ITGBL1: variants seen among roughly 807,000 people sequenced by gnomAD.
ITGBL1 encodes the protein integrin beta-like protein 1.
A neutral mutation model predicts 68.5 loss-of-function variants in ITGBL1; 51 were observed. That is an observed-to-expected ratio of 0.74 (90% CI 0.59 to 0.94). The LOEUF is 0.94. Among genes scored for constraint, ITGBL1 ranks in the 40% least tolerant of loss-of-function variants. The pLI is 0.00. For missense variants in ITGBL1, 649 were observed against 647.4 expected, an observed-to-expected ratio of 1.00 and a Z score of -0.03; for synonymous variants, 209 against 227.3, an observed-to-expected ratio of 0.92 and a Z score of 0.72.
chr13:101,671,433 T>G (rs1261399511), intron 7 of ITGBL1, among the ~76,000 whole-genome samples: 4 of 71,782 alleles, frequency 5.6e-5, no homozygotes, highest in South Asian at 6.4e-4. Flanking sequence ...TTTGTTTTTT[T>G]TTTGTTTTTT....
intron 7 of ITGBL1, among the ~76,000 whole-genome samples, chr13:101,635,211 C>G (rs1331081142): frequency 2.6e-5 from 4 of 151,974 alleles, no homozygotes; most frequent in Admixed American, 2.0e-4. Flanking sequence ...ATAAGAGTCT[C>G]TCAAGCTTTT....
At chr13:101,591,657 G>T (rs984973191) in intron 6 of ITGBL1, among the ~76,000 whole-genome samples, 1 of 152,060 alleles carries the variant, frequency 6.6e-6, no homozygotes, top group East Asian at 1.9e-4. Context: ...TTAGTAAAAT[G>T]GTCTAGTCTT....
intron 2 of ITGBL1, among the ~76,000 whole-genome samples, chr13:101,521,681 C>G (rs1168756996): frequency 6.6e-6 from 1 of 152,050 alleles, no homozygotes; most frequent in African/African-American, 2.4e-5. Context: ...ATGGAGAAGG[C>G]CTTGTTCCCT....
At chr13:101,671,321 A>G (rs1321829100) in intron 7 of ITGBL1, among the ~76,000 whole-genome samples, 1 of 152,166 alleles carries the variant, frequency 6.6e-6, no homozygotes, top group Non-Finnish European at 1.5e-5. Flanking sequence ...CTTTTATTTG[A>G]AACATTGTTG....
chr13:101,719,477 GTT>G (rs1566808669), downstream of ITGBL1: 1 of 152,046 alleles, frequency 6.6e-6, no homozygotes, highest in East Asian at 1.9e-4. Flanking sequence ...ATGATGTTCA[GTT>G]CCATTTTGCT....
At chr13:101,698,887 C>G (rs1458024214) in intron 8 of ITGBL1, among the ~76,000 whole-genome samples, 2 of 152,170 alleles carry the variant, frequency 1.3e-5, no homozygotes, top group Non-Finnish European at 2.9e-5. Flanking sequence ...TTTCTTCTTT[C>G]CTCTATACTC....
Position 101,598,252 on chromosome 13 carries a change from G to C in ITGBL1, c.968G>C (p.Ser323Thr). 6.2e-7 allele frequency: 1 copy of C among 1,613,468 alleles called. No individual in the cohort carries two copies. Among genetic ancestry groups the C allele is most frequent in the Non-Finnish European group, 8.5e-7 (1 of 1,179,786 alleles). ...PQSCTLSAEE[S>T]IRKCQGSSDL... Reference sequence around the variant, plus strand: ...TCCTGCACGCTGTCAGCTGAGGAGAGCATCAGGAAGTGCCAGGGAAGCTCG... The same window carrying C: ...TCCTGCACGCTGTCAGCTGAGGAGACCATCAGGAAGTGCCAGGGAAGCTCG... Residue 323 changes from serine to threonine, a missense_variant, in exon 7 of 11, where the codon AGC (serine) becomes ACC (threonine). Physicochemically the swap from Ser to Thr is moderately conservative, Grantham distance 58 (BLOSUM62 1). Transcript: ENST00000376180.
chr13:101,531,692 TTTATTTTG>T (rs1337429957), intron 2 of ITGBL1, among the ~76,000 whole-genome samples: 2 of 131,734 alleles, frequency 1.5e-5, no homozygotes, highest in African/African-American at 2.9e-5. Flanking sequence ...TTTTATTTTT[TTTATTTTG>T]TTATTTATTT....
At chr13:101,478,706 C>A (rs4598762) in intron 2 of ITGBL1, among the ~76,000 whole-genome samples, 21,664 of 151,820 alleles carry the variant, frequency 0.14, 2,059 homozygotes, top group East Asian at 0.43. Context: ...AAAAAGAAAT[C>A]AAGAAAGTAA....
chr13:101,649,466 A>C (rs887162318), intron 7 of ITGBL1, among the ~76,000 whole-genome samples: 3 of 152,192 alleles, frequency 2.0e-5, no homozygotes, highest in African/African-American at 7.2e-5. Context: ...AAATGATTAA[A>C]GAAATTAAAG....
Position 101,608,110 on chromosome 13 carries a change from A to G in ITGBL1, c.1015+9811A>G, listed in dbSNP as rs2030957030. ...GGGGGAAGAATGATAGATGGAGGCT[A>G]ATTATTTAATATTGTAACTTCTAGA... On this transcript the variant is annotated intron_variant, in intron 7 of 10. Coordinates refer to ENST00000376180, the MANE Select transcript of ITGBL1 (RefSeq NM_004791.3). Among the ~76,000 whole-genome samples, 3 of 152,104 alleles carry G rather than the reference A, an allele frequency of 2.0e-5. No individual in the cohort carries two copies. The South Asian group carries it at 6.2e-4, about 31-fold the overall frequency.
At chr13:101,465,936 A>G (rs1187632643) in intron 2 of ITGBL1, among the ~76,000 whole-genome samples, 1 of 152,232 alleles carries the variant, frequency 6.6e-6, no homozygotes, top group Non-Finnish European at 1.5e-5. Flanking sequence ...TAGAGCGTAG[A>G]GGATAAAGAC....
At chr13:101,595,543 A>T (rs1343170024) in intron 6 of ITGBL1, among the ~76,000 whole-genome samples, 1 of 152,184 alleles carries the variant, frequency 6.6e-6, no homozygotes, top group Non-Finnish European at 1.5e-5. Context: ...TGGGCAAATG[A>T]CCTGAATAGA....
chr13:101,595,977 G>A (rs955968350), intron 6 of ITGBL1, among the ~76,000 whole-genome samples: 1 of 151,978 alleles, frequency 6.6e-6, no homozygotes, highest in Admixed American at 6.6e-5. Flanking sequence ...GAAAATGTGA[G>A]ATATATATCT....
chr13:101,713,340 C>A (rs1447406095), intron 9 of ITGBL1: 1 of 152,126 alleles, frequency 6.6e-6, no homozygotes. Context: ...ATGATTGATT[C>A]TTGCCCCTTT....
intron 6 of ITGBL1, among the ~76,000 whole-genome samples, chr13:101,585,512 G>T (rs1450149178): frequency 6.6e-6 from 1 of 152,056 alleles, no homozygotes; most frequent in East Asian, 1.9e-4. Context: ...CTCACTGCGA[G>T]CTCCACCTCC....
Position 101,470,202 on chromosome 13 carries a change from T to TA in ITGBL1, c.316+16104dup, listed in dbSNP as rs781624257. Among the ~76,000 whole-genome samples the TA allele has an allele frequency of 4.6e-5, 7 of 152,352 alleles. No individual in the cohort carries two copies. In the East Asian group the frequency reaches 7.7e-4, roughly 17 times the overall value. On this transcript the variant is annotated intron_variant, in intron 2 of 10. Coordinates refer to ENST00000376180, the MANE Select transcript of ITGBL1 (RefSeq NM_004791.3). ...AAACGAAATATTCTGTTACCTTAGC[T>TA]AACCTTGGAAGCTCTGCTTTCCTTG...
At chr13:101,599,125 A>T (rs2030187216) in intron 7 of ITGBL1, among the ~76,000 whole-genome samples, 1 of 152,000 alleles carries the variant, frequency 6.6e-6, no homozygotes, top group South Asian at 2.1e-4. Context: ...AATGATTGCC[A>T]TTCTAACTGG....
intron 7 of ITGBL1, among the ~76,000 whole-genome samples, chr13:101,670,103 G>T (rs1341524591): frequency 6.6e-6 from 1 of 152,168 alleles, no homozygotes; most frequent in Non-Finnish European, 1.5e-5. Flanking sequence ...AACTTGATCT[G>T]TTCTCTTGGC....
Sources: allele counts gnomAD v4.1 joint callset (sites outside exome capture counted in the v4.1 genomes callset), GRCh38; gene constraint gnomAD v4.1.1; transcripts MANE v1.5; gene names NCBI Gene and HGNC (gene_info 2026-07-23, HGNC 2026-07-21).